Variants in PRKCE observed in about 807,000 individuals in gnomAD.
The protein encoded by PRKCE is protein kinase C epsilon.
A neutral mutation model predicts 85.4 loss-of-function variants in PRKCE; 16 were observed. That is an observed-to-expected ratio of 0.19 (90% CI 0.13 to 0.28). The LOEUF (loss-of-function observed/expected upper bound fraction) is 0.28, where lower values mean the gene tolerates loss of function less well. Ranked by LOEUF, PRKCE falls within the 10% of genes least tolerant of loss-of-function variation. The pLI is 1.00. For missense variants in PRKCE, 573 were observed against 975.2 expected (o/e 0.59, Z 5.49); for synonymous variants, 388 against 371.5 (o/e 1.04, Z -0.51).
intron 1 of PRKCE, among the ~76,000 whole-genome samples, chr2:45,655,764 A>G (rs1200991541): frequency 6.8e-6 from 1 of 146,200 alleles, no homozygotes; most frequent in Non-Finnish European, 1.5e-5. Flanking sequence ...TGAGTCCAGG[A>G]GTTCAAGGCT....
intron 10 of PRKCE, among the ~76,000 whole-genome samples, chr2:46,060,744 C>CT (rs112560158): frequency 0.17 from 23,882 of 140,028 alleles, 2,797 homozygotes; most frequent in African/African-American, 0.36. Context: ...TTTCTCTCTC[C>CT]TTTTTTTTTT....
At chr2:45,825,131 C>G (rs1407372270) in intron 1 of PRKCE, among the ~76,000 whole-genome samples, 1 of 152,198 alleles carries the variant, frequency 6.6e-6, no homozygotes, top group African/African-American at 2.4e-5. Context: ...TTCATAACAA[C>G]AGCTATGCCA....
rs970596090 is a variant in PRKCE, at chr2:46,184,084, A to G, written c.2068-651A>G. On this transcript the variant is annotated intron_variant, in intron 14 of 14. Coordinates refer to ENST00000306156, the MANE Select transcript of PRKCE (RefSeq NM_005400.3). The surrounding 1 kb of genome is among the most constrained non-coding windows in gnomAD (Gnocchi z 5.0). The stretch of plus-strand genomic sequence containing the variant: ...TTCAGTAGACACTTATTGCTGGGGA[A>G]CTGCTGGGAACTCAAAGTTGAACAA... Among the ~76,000 whole-genome samples, 10 of 152,172 alleles carry G rather than the reference A, an allele frequency of 6.6e-5. No individual in the cohort carries two copies. The highest frequency in any genetic ancestry group is 1.3e-4 in the Non-Finnish European group (9 of 68,042).
intron 1 of PRKCE, among the ~76,000 whole-genome samples, chr2:45,801,999 A>G (rs985053383): frequency 6.6e-6 from 1 of 151,902 alleles, no homozygotes; most frequent in African/African-American, 2.4e-5. Flanking sequence ...CTGTAATTCT[A>G]GCACTTTAGG....
intron 2 of PRKCE, among the ~76,000 whole-genome samples, chr2:45,952,349 ATC>A (rs377589195): frequency 1.1e-3 from 160 of 152,350 alleles, no homozygotes; most frequent in Middle Eastern, 3.4e-3. Context: ...TACATAAGTC[ATC>A]ACTATGCTGG....
intron 8 of PRKCE, among the ~76,000 whole-genome samples, chr2:46,007,237 T>C (rs1416043334): frequency 6.6e-6 from 1 of 152,206 alleles, no homozygotes; most frequent in Middle Eastern, 3.2e-3. Context: ...GGGAAGGGAC[T>C]GTGTCCTCCT....
intron 1 of PRKCE, among the ~76,000 whole-genome samples, chr2:45,836,811 G>C (rs1690919472): frequency 6.6e-6 from 1 of 152,238 alleles, no homozygotes; most frequent in South Asian, 2.1e-4. Flanking sequence ...AACAAGGGCA[G>C]TGCAAGCCTT....
At chr2:45,761,326 CAAAA>C (rs370710295) in intron 1 of PRKCE, among the ~76,000 whole-genome samples, 65 of 82,254 alleles carry the variant, frequency 7.9e-4, no homozygotes, top group African/African-American at 2.9e-3. Context: ...GACTCCATCT[CAAAA>C]AAAAAAAAAA....
At position 46,187,698 on chromosome 2, in the gene PRKCE, A is replaced by C. The variant is rs1292382874; in HGVS notation, c.*2817A>C. 6.6e-6 allele frequency: 1 copy of C among 152,396 alleles called. No individual in the cohort carries two copies. Among genetic ancestry groups the C allele is most frequent in the Non-Finnish European group, 1.5e-5 (1 of 67,990 alleles). 9.4% of individuals were successfully genotyped at this position (152,396 alleles called of 1,614,324 possible). The stretch of plus-strand genomic sequence containing the variant: ...TTTTTTTTCCTCCAAAGGTGAAAAA[A>C]CAATGCATTCTTGCTTTAAAAAAAA... On this transcript the variant is annotated 3_prime_UTR_variant, in exon 15 of 15. Coordinates refer to ENST00000306156, the MANE Select transcript of PRKCE (RefSeq NM_005400.3).
At chr2:45,998,693 T>C (rs1366757525) in intron 6 of PRKCE, among the ~76,000 whole-genome samples, 1 of 152,242 alleles carries the variant, frequency 6.6e-6, no homozygotes, top group African/African-American at 2.4e-5. Context: ...GGTTAATATC[T>C]ACTATAGTTA....
chr2:45,785,833 C>T (rs1292971278), intron 1 of PRKCE, among the ~76,000 whole-genome samples: 6 of 152,164 alleles, frequency 3.9e-5, no homozygotes, highest in African/African-American at 1.4e-4. Context: ...TGGGAGTGCT[C>T]CTATGACACC....
intron 2 of PRKCE, among the ~76,000 whole-genome samples, chr2:45,954,601 C>A (rs994118226): frequency 1.3e-5 from 2 of 152,160 alleles, no homozygotes; most frequent in African/African-American, 2.4e-5. Flanking sequence ...GATGCTTGGC[C>A]AGACTTCTAC....
intron 10 of PRKCE, among the ~76,000 whole-genome samples, chr2:46,076,785 T>C (rs1222094479): frequency 6.6e-6 from 1 of 152,038 alleles, no homozygotes; most frequent in African/African-American, 2.4e-5. Flanking sequence ...GAAAGAACCA[T>C]GTCTACAGGC....
intron 1 of PRKCE, among the ~76,000 whole-genome samples, chr2:45,815,532 C>T (rs978212481): frequency 1.7e-4 from 26 of 152,164 alleles, no homozygotes; most frequent in African/African-American, 6.0e-4. Context: ...TCGGTCCCCT[C>T]CATTAGATCT....
chr2:45,953,884 G>T (rs900826025), intron 2 of PRKCE, among the ~76,000 whole-genome samples: 20 of 152,124 alleles, frequency 1.3e-4, no homozygotes, highest in African/African-American at 4.6e-4. Context: ...GTACCTCCTG[G>T]ACCTAAATTA....
In PRKCE at chr2:45,705,317, C is replaced by T. The variant is rs117334916; in HGVS notation, c.348+52869C>T. On this transcript the variant is annotated intron_variant, in intron 1 of 14. Transcript: ENST00000306156. Reference sequence around the variant, plus strand: ...TTTCACCTGCTTGAAACTCTAGTTGCGGAGAAATTTGGCTCAGACTTTCCA... The same window carrying T: ...TTTCACCTGCTTGAAACTCTAGTTGTGGAGAAATTTGGCTCAGACTTTCCA... Among the ~76,000 whole-genome samples the T allele has an allele frequency of 9.2e-5, 14 of 152,238 alleles. 1 individual carries two copies. In the East Asian group the frequency reaches 9.6e-4, roughly 10 times the overall value.
intron 10 of PRKCE, among the ~76,000 whole-genome samples, chr2:46,043,509 C>A (rs1272685528): frequency 6.6e-6 from 1 of 151,986 alleles, no homozygotes; most frequent in Non-Finnish European, 1.5e-5. Context: ...ATAGTATACC[C>A]CTAGAGATAA....
chr2:45,800,943 A>G (rs1449561516), intron 1 of PRKCE, among the ~76,000 whole-genome samples: 2 of 152,220 alleles, frequency 1.3e-5, no homozygotes, highest in Non-Finnish European at 1.5e-5. Flanking sequence ...AATACCTGGA[A>G]ACTAACGCAG....
At chr2:45,941,810 C>T (rs1389941656) in intron 2 of PRKCE, among the ~76,000 whole-genome samples, 2 of 152,130 alleles carry the variant, frequency 1.3e-5, no homozygotes, top group African/African-American at 2.4e-5. Flanking sequence ...GATTACATGA[C>T]AGCCTTCCCT....
Sources: allele counts gnomAD v4.1 joint callset (sites outside exome capture counted in the v4.1 genomes callset), GRCh38; gene constraint gnomAD v4.1.1; non-coding constraint Gnocchi (gnomAD v3.1); transcripts MANE v1.5; gene names NCBI Gene and HGNC (gene_info 2026-07-23, HGNC 2026-07-21).